PDE4D: variants seen among roughly 807,000 people sequenced by gnomAD.
PDE4D encodes 3',5'-cyclic-AMP phosphodiesterase 4D.
A neutral mutation model predicts 87.4 loss-of-function variants in PDE4D; 24 were observed. The ratio of observed to expected loss-of-function variants is 0.27; its 90% CI spans 0.20 to 0.39. PDE4D has a LOEUF of 0.39. Ranked by LOEUF, PDE4D falls within the 10% of genes least tolerant of loss-of-function variation. The pLI is 1.00. For synonymous variants in PDE4D, 384 were observed against 383.2 expected (o/e 1.00, Z -0.02); for missense variants, 714 against 1,041.0 (o/e 0.69, Z 4.32).
chr5:59,732,174 A>G (rs1286416080), intron 1 of PDE4D, among the ~76,000 whole-genome samples: 3 of 151,996 alleles, frequency 2.0e-5, no homozygotes, highest in Non-Finnish European at 4.4e-5. Flanking sequence ...ATATCTAACC[A>G]TTTCCTATAG....
intron 1 of PDE4D, among the ~76,000 whole-genome samples, chr5:59,804,057 G>A (rs753479591): frequency 1.3e-5 from 2 of 151,720 alleles, no homozygotes; most frequent in African/African-American, 4.8e-5. Flanking sequence ...TAGTTTTTGG[G>A]GTACAGTGGG....
chr5:59,782,338 A>G (rs565075473), intron 1 of PDE4D, among the ~76,000 whole-genome samples: 1 of 152,276 alleles, frequency 6.6e-6, no homozygotes, highest in South Asian at 2.1e-4. Context: ...TAGGCTTAGT[A>G]CCCACTTTTT....
intron 1 of PDE4D, among the ~76,000 whole-genome samples, chr5:59,387,032 C>T (rs1787209951): frequency 6.6e-6 from 1 of 152,124 alleles, no homozygotes; most frequent in South Asian, 2.1e-4. Context: ...GAATATTCTA[C>T]ACTAGAAATC....
chr5:59,408,471 T>C (rs752355575), intron 1 of PDE4D, among the ~76,000 whole-genome samples: 13 of 152,308 alleles, frequency 8.5e-5, no homozygotes, highest in African/African-American at 9.6e-5. Context: ...ACTAAGGTAG[T>C]GCAGAAGGGA....
intron 1 of PDE4D, among the ~76,000 whole-genome samples, chr5:60,191,813 A>G (rs777916720): frequency 3.3e-5 from 5 of 152,068 alleles, no homozygotes; most frequent in Non-Finnish European, 7.4e-5. Context: ...CCTGGCCAAC[A>G]TGGTGAAACT....
chr5:59,664,947 C>T (rs116155299), intron 1 of PDE4D, among the ~76,000 whole-genome samples: 3,208 of 152,224 alleles, frequency 0.021, 59 homozygotes, highest in Middle Eastern at 0.082. Flanking sequence ...ATGTTACTAA[C>T]ACCCAAGGAA....
intron 1 of PDE4D, among the ~76,000 whole-genome samples, chr5:59,781,901 A>G (rs554007598): frequency 6.6e-6 from 1 of 151,448 alleles, no homozygotes; most frequent in Non-Finnish European, 1.5e-5. Context: ...TACCAACGTT[A>G]TATCAGCCTA....
chr5:60,425,979 G>A (rs37693), intron 1 of PDE4D, among the ~76,000 whole-genome samples: 63,709 of 151,950 alleles, frequency 0.42, 14,675 homozygotes, highest in African/African-American at 0.61. Context: ...CAAAACCACA[G>A]TGAGATATCA....
chr5:59,412,117 A>T (rs1470521685), intron 1 of PDE4D, among the ~76,000 whole-genome samples: 1 of 152,192 alleles, frequency 6.6e-6, no homozygotes, highest in Non-Finnish European at 1.5e-5. Flanking sequence ...CTTTTATAGG[A>T]TACTTTAAAG....
At chr5:59,149,816 T>G (rs1394273030) in intron 5 of PDE4D, among the ~76,000 whole-genome samples, 1 of 148,486 alleles carries the variant, frequency 6.7e-6, no homozygotes. Context: ...TCACTAGGCC[T>G]TGCAAAGGAA....
chr5:59,215,941 C>G lies in PDE4D; in HGVS notation c.483G>C (p.Ala161=). ...TCATGGGATCCAAGGGACTCCGTCC[C>G]GCAGATGTGCCATTGTCCACATCAA... The part of the protein sequence containing the change: ...RRFDVDNGTS[A]GRSPLDPMTS... The change falls in exon 2 of 15, where the codon GCG becomes GCC. Residue 161 remains alanine, a synonymous_variant. Transcript: ENST00000340635. 6.2e-7 allele frequency: 1 copy of G among 1,612,608 alleles called. No homozygotes were observed. The highest frequency in any genetic ancestry group is 8.5e-7 in the Non-Finnish European group (1 of 1,179,102).
chr5:59,757,375 C>T (rs539952692), intron 1 of PDE4D, among the ~76,000 whole-genome samples: 1 of 152,224 alleles, frequency 6.6e-6, no homozygotes, highest in Admixed American at 6.5e-5. Context: ...TCACAGAAAA[C>T]AATCTCTGAA....
chr5:60,444,360 A>G (rs1459196613), intron 1 of PDE4D, among the ~76,000 whole-genome samples: 2 of 152,120 alleles, frequency 1.3e-5, no homozygotes, highest in Admixed American at 6.5e-5. Flanking sequence ...TCTTCTGTTC[A>G]TCAAGCATTC....
intron 3 of PDE4D, chr5:59,988,440 TC>T (rs1200382544): frequency 8.0e-7 from 1 of 1,253,296 alleles, no homozygotes; most frequent in Non-Finnish European, 1.1e-6. Context: ...CAGACAACAA[TC>T]ACCATCTAAA....
chr5:59,490,693 G>A (rs944518659), intron 1 of PDE4D, among the ~76,000 whole-genome samples: 6 of 152,122 alleles, frequency 3.9e-5, no homozygotes, highest in Non-Finnish European at 7.4e-5. Flanking sequence ...GTAAATTAAA[G>A]TAAAATAAAC....
chr5:59,429,625 A>G (rs867911709), intron 1 of PDE4D, among the ~76,000 whole-genome samples: 3 of 152,322 alleles, frequency 2.0e-5, no homozygotes, highest in Middle Eastern at 3.4e-3. Flanking sequence ...CACAGAGAGA[A>G]TGGAACATCT....
At chr5:59,252,527 G>T (rs1385159773) in intron 1 of PDE4D, among the ~76,000 whole-genome samples, 1 of 150,666 alleles carries the variant, frequency 6.6e-6, no homozygotes, top group African/African-American at 2.4e-5. Context: ...TATCATCTGG[G>T]TTTTTTTTTT....
At chr5:59,848,943 G>A (rs773620391) in intron 1 of PDE4D, among the ~76,000 whole-genome samples, 32 of 151,996 alleles carry the variant, frequency 2.1e-4, no homozygotes, top group Non-Finnish European at 3.1e-4. Flanking sequence ...AACTCCATGG[G>A]TGAGAGATGG....
chr5:59,351,502 G>T (rs35275), intron 1 of PDE4D, among the ~76,000 whole-genome samples: 116,678 of 152,058 alleles, frequency 0.77, 45,248 homozygotes, highest in African/African-American at 0.86. Context: ...TTGACCTCTC[G>T]AGCTCAGAGA....
Sources: gnomAD v4.1 joint callset for allele counts (sites outside exome capture counted in the v4.1 genomes callset) on GRCh38, gnomAD v4.1.1 for gene constraint, MANE v1.5 for transcripts, NCBI Gene and HGNC (gene_info 2026-07-23, HGNC 2026-07-21) for gene names.